Variants in SLC38A11 observed in about 807,000 individuals in gnomAD.
SLC38A11 encodes the protein putative sodium-coupled neutral amino acid transporter 11.
SLC38A11 carries 51 observed loss-of-function variants against 49.4 expected under a neutral mutation model. The ratio of observed to expected loss-of-function variants is 1.03; its 90% confidence interval spans 0.83 to 1.30. SLC38A11 has a LOEUF of 1.30. Among genes scored for constraint, SLC38A11 ranks in the 50% most tolerant of loss-of-function variants. The pLI is 0.00. For synonymous variants in SLC38A11, 203 were observed against 192.9 expected (o/e 1.05, Z -0.43); for missense variants, 574 against 556.2 (o/e 1.03, Z -0.32).
chr2:164,920,706 C>T (rs1010308746), intron 7 of SLC38A11, among the ~76,000 whole-genome samples: 6 of 151,646 alleles, frequency 4.0e-5, no homozygotes, highest in Admixed American at 2.0e-4. Flanking sequence ...AGAAAGCTAC[C>T]GAGAATGCTC....
chr2:164,947,410 G>A (rs1688210258), intron 3 of SLC38A11, among the ~76,000 whole-genome samples: 1 of 152,024 alleles, frequency 6.6e-6, no homozygotes, highest in Non-Finnish European at 1.5e-5. Flanking sequence ...GGGATTACAG[G>A]CGTAAGCTAC....
chr2:164,928,937 C>T (rs1159773540), intron 7 of SLC38A11, among the ~76,000 whole-genome samples: 4 of 152,152 alleles, frequency 2.6e-5, no homozygotes, highest in Non-Finnish European at 5.9e-5. Context: ...AGCCTTTCAT[C>T]ATCTCATGGA....
chr2:164,899,089 C>T (rs1402114973), intron 11 of SLC38A11, among the ~76,000 whole-genome samples: 2 of 152,112 alleles, frequency 1.3e-5, no homozygotes, highest in African/African-American at 4.8e-5. Context: ...TTCACTAAAA[C>T]TATTGTGTAT....
At chr2:164,921,591 C>T (rs191124018) in intron 7 of SLC38A11, among the ~76,000 whole-genome samples, 1 of 151,966 alleles carries the variant, frequency 6.6e-6, no homozygotes, top group African/African-American at 2.4e-5. Flanking sequence ...TGGCCTCCCA[C>T]AGTGCTGAGA....
chr2:164,917,567 A>C (rs1187555406), intron 7 of SLC38A11, among the ~76,000 whole-genome samples: 1 of 152,168 alleles, frequency 6.6e-6, no homozygotes, highest in African/African-American at 2.4e-5. Context: ...TTAATGTGGA[A>C]AAAATACATA....
In SLC38A11 at chr2:164,896,403, G is replaced by C. The variant is rs973763601; in HGVS notation, c.*2034C>G. ...AAAGTACAAGATAAGAGATGGTTAC[G>C]TGCTAAATTATGTTATCCTTGACAT... On this transcript the variant is annotated 3_prime_UTR_variant, in exon 12 of 12. Coordinates refer to ENST00000685975, the MANE Select transcript of SLC38A11 (RefSeq NM_001351537.2). 6.6e-6 allele frequency: 1 copy of C among 152,068 alleles called. No individual in the cohort carries two copies. Among genetic ancestry groups the C allele is most frequent in the South Asian group, 2.1e-4 (1 of 4,834 alleles). 9.4% of individuals were successfully genotyped at this position (152,068 alleles called of 1,614,324 possible). A position where few individuals can be genotyped will look rare whatever the true frequency, so the allele number is the denominator to read the frequency against.
chr2:164,899,058 T>G (rs1684487198), intron 11 of SLC38A11, among the ~76,000 whole-genome samples: 1 of 152,154 alleles, frequency 6.6e-6, no homozygotes, highest in Non-Finnish European at 1.5e-5. Context: ...TATTTTCAGT[T>G]CATCATATTT....
At chr2:164,912,177 G>A (rs532150371) in intron 9 of SLC38A11, 1 of 152,422 alleles carries the variant, frequency 6.6e-6, no homozygotes, top group South Asian at 2.1e-4. Flanking sequence ...TTAATTAAGA[G>A]AATAGATGAC....
chr2:164,950,779 A>G (rs1688468733), intron 3 of SLC38A11, among the ~76,000 whole-genome samples: 1 of 152,180 alleles, frequency 6.6e-6, no homozygotes, highest in Admixed American at 6.5e-5. Flanking sequence ...CTTGCTGTTG[A>G]ACTGAACATA....
chr2:164,942,431 T>G (rs1262050995), intron 5 of SLC38A11, among the ~76,000 whole-genome samples: 1 of 49,884 alleles, frequency 2.0e-5, no homozygotes, highest in Non-Finnish European at 3.8e-5. Context: ...AGACTCTGTC[T>G]CAAAAAAAAA....
At chr2:164,952,195 A>G (rs1431619519) in intron 3 of SLC38A11, among the ~76,000 whole-genome samples, 2 of 152,222 alleles carry the variant, frequency 1.3e-5, no homozygotes, top group Non-Finnish European at 2.9e-5. Context: ...GATGTGATAC[A>G]GAAGCAACTT....
At chr2:164,915,475 C>T in intron 8 of SLC38A11, 1 of 505,698 alleles carries the variant, frequency 2.0e-6, no homozygotes, top group South Asian at 3.7e-5. Flanking sequence ...GTGGTCTTTT[C>T]ATGTTACTCT....
rs547122456 is a variant in SLC38A11 at position 164,909,660 on chromosome 2, G to A, written c.964-889C>T. ...CAGAATTATAGGCTGAGACAAGAGC[G>A]TGAAAAAGAGCAAAGAGGTAATAAC... On this transcript the variant is annotated intron_variant, in intron 10 of 11. Coordinates refer to ENST00000685975, the MANE Select transcript of SLC38A11 (RefSeq NM_001351537.2). 1.1e-3 allele frequency among the ~76,000 whole-genome samples: 163 copies of A among 151,794 alleles called. 1 individual carries two copies. The highest frequency in any genetic ancestry group is 3.1e-3 in the African/African-American group (130 of 41,390).
chr2:164,937,174 C>T (rs1687428517), intron 7 of SLC38A11, among the ~76,000 whole-genome samples, 176 bp downstream of exon 7: 1 of 152,024 alleles, frequency 6.6e-6, no homozygotes, highest in South Asian at 2.1e-4. Context: ...CTTGTAGGGT[C>T]CAAATGAAAA....
chr2:164,896,767 C>T lies in SLC38A11; in HGVS notation c.*1670G>A, dbSNP rs1684383977. On this transcript the variant is annotated 3_prime_UTR_variant, in exon 12 of 12. Transcript: ENST00000685975. Reference sequence around the variant, plus strand: ...AATAAATCACCACTAAAACCCTGAGCATGGTTCTACCTGCTAAAATGCATC... The same window carrying T: ...AATAAATCACCACTAAAACCCTGAGTATGGTTCTACCTGCTAAAATGCATC... 6.6e-6 allele frequency: 1 copy of T among 152,088 alleles called. No homozygotes were observed. Among genetic ancestry groups the T allele is most frequent in the South Asian group, 2.1e-4 (1 of 4,826 alleles). 9.4% of individuals were successfully genotyped at this position (152,088 alleles called of 1,614,324 possible). A position where few individuals can be genotyped will look rare whatever the true frequency, so the allele number is the denominator to read the frequency against.
chr2:164,919,319 G>A lies in SLC38A11; in HGVS notation c.618-3346C>T, dbSNP rs62175630. ...CACTCTAGCTTGGTCAATAGAGTAC[G>A]ACCCTGCCTCAAAATGAATAAAATA... is the stretch of plus-strand genomic sequence containing the variant. On this transcript the variant is annotated intron_variant, in intron 7 of 11. Transcript: ENST00000685975. Among the ~76,000 whole-genome samples the A allele has an allele frequency of 4.6e-3, 700 of 152,044 alleles. 2 individuals carry two copies. The highest frequency in any genetic ancestry group is 6.1e-3 in the Non-Finnish European group (417 of 68,004).
Position 164,898,509 on chromosome 2 carries a change from GA to G in SLC38A11, c.1316del (p.Leu439ProfsTer18). ...GAACATGAGACTCTGAGGTATTTGTGAGAGAGAAATTGTCAGGAAAGCAGTA... is the reference window on the plus strand; with the variant it reads ...GAACATGAGACTCTGAGGTATTTGTGGAGAGAAATTGTCAGGAAAGCAGTA... ...MFYCFPDNFS[L>X]TNTSESHVQQ... On this transcript the variant is annotated frameshift_variant, in exon 12 of 12. Coordinates refer to ENST00000685975, the MANE Select transcript of SLC38A11 (RefSeq NM_001351537.2). LOFTEE classifies it high-confidence loss of function. 6.2e-7 allele frequency: 1 copy of G among 1,613,456 alleles called. No individual in the cohort carries two copies.
chr2:164,920,113 A>C (rs1379099219), intron 7 of SLC38A11, among the ~76,000 whole-genome samples: 1 of 152,094 alleles, frequency 6.6e-6, no homozygotes, highest in African/African-American at 2.4e-5. Flanking sequence ...GTCTGTACTA[A>C]AAATACAAAA....
chr2:164,953,705 A>C (rs1688670275), intron 2 of SLC38A11, among the ~76,000 whole-genome samples: 1 of 152,232 alleles, frequency 6.6e-6, no homozygotes, highest in Non-Finnish European at 1.5e-5. Context: ...GAAAAGTAAG[A>C]AAAGTAATTC....
Sources: allele counts gnomAD v4.1 joint callset (sites outside exome capture counted in the v4.1 genomes callset), GRCh38; gene constraint gnomAD v4.1.1; transcripts MANE v1.5; gene names NCBI Gene and HGNC (gene_info 2026-07-23, HGNC 2026-07-21).